The following SNX24 variants were observed in gnomAD, a reference collection of about 807,000 sequenced individuals.
SNX24 encodes sorting nexin-24.
Under a neutral mutation model 28.7 loss-of-function variants are expected in SNX24, and 22 were observed. The observed-to-expected ratio is 0.77, with a 90% confidence interval of 0.55 to 1.10. The LOEUF (loss-of-function observed/expected upper bound fraction) is 1.10. Among genes scored for constraint, SNX24 ranks in the 50% least tolerant of loss-of-function variants. The pLI is 0.00. For missense variants in SNX24, 221 were observed against 201.1 expected (o/e 1.10, Z -0.60); for synonymous variants, 69 against 71.5 (o/e 0.96, Z 0.18).
At chr5:122,948,149 G>A (rs1759772389) in intron 3 of SNX24, among the ~76,000 whole-genome samples, 1 of 152,158 alleles carries the variant, frequency 6.6e-6, no homozygotes, top group Non-Finnish European at 1.5e-5. Flanking sequence ...CTATTTGCAG[G>A]CAATGGGAGG....
chr5:122,884,413 AT>A (rs1756618259), intron 1 of SNX24, among the ~76,000 whole-genome samples: 2 of 151,622 alleles, frequency 1.3e-5, no homozygotes, highest in South Asian at 2.1e-4. Context: ...CCTCTGGCTA[AT>A]TTTTGTATTT....
At chr5:122,876,792 A>T (rs1756243545) in intron 1 of SNX24, among the ~76,000 whole-genome samples, 1 of 152,198 alleles carries the variant, frequency 6.6e-6, no homozygotes, top group Non-Finnish European at 1.5e-5. Context: ...CCTGCAAGAG[A>T]TGGTGCTTAA....
At chr5:122,907,722 A>G (rs1757701525) in intron 1 of SNX24, among the ~76,000 whole-genome samples, 1 of 152,184 alleles carries the variant, frequency 6.6e-6, no homozygotes, top group South Asian at 2.1e-4. Flanking sequence ...TCTTAGAAAC[A>G]CCTAAATTCT....
intron 3 of SNX24, among the ~76,000 whole-genome samples, chr5:122,994,853 A>C (rs984796161): frequency 3.9e-5 from 6 of 152,192 alleles, no homozygotes; most frequent in Admixed American, 2.6e-4. Context: ...GTAAAGAAAA[A>C]TAATTTTTTT....
At chr5:122,886,251 A>C (rs1247132590) in intron 1 of SNX24, among the ~76,000 whole-genome samples, 1 of 152,234 alleles carries the variant, frequency 6.6e-6, no homozygotes, top group African/African-American at 2.4e-5. Context: ...ATTGCTTTGC[A>C]AATACCTATG....
intron 1 of SNX24, among the ~76,000 whole-genome samples, chr5:122,924,239 C>T (rs1758571971): frequency 6.6e-6 from 1 of 152,168 alleles, no homozygotes. Context: ...ACAAGAATAA[C>T]TATTACAATA....
At chr5:122,924,471 GC>G (rs1161123359) in intron 1 of SNX24, among the ~76,000 whole-genome samples, 1 of 152,186 alleles carries the variant, frequency 6.6e-6, no homozygotes, top group Non-Finnish European at 1.5e-5. Context: ...CTGGGACCGG[GC>G]AAGACACCGT....
downstream of SNX24, among the ~76,000 whole-genome samples, chr5:123,013,697 TTC>T (rs757641958): frequency 6.6e-6 from 1 of 152,214 alleles, no homozygotes; most frequent in Non-Finnish European, 1.5e-5. Flanking sequence ...GTGAACCATT[TTC>T]TGTTTTCATT....
chr5:122,999,084 T>C (rs1199045833), intron 3 of SNX24, among the ~76,000 whole-genome samples: 4 of 152,150 alleles, frequency 2.6e-5, no homozygotes, highest in Admixed American at 6.5e-5. Flanking sequence ...GGCAAACTTA[T>C]ATTCAGTTCA....
chr5:122,897,815 A>G (rs1757268406), intron 1 of SNX24, among the ~76,000 whole-genome samples: 1 of 152,184 alleles, frequency 6.6e-6, no homozygotes, highest in South Asian at 2.1e-4. Flanking sequence ...GTTTACAGTA[A>G]TATTAGTGGA....
At chr5:123,025,635 C>T in intron 5 of SNX24, 1 of 772,926 alleles carries the variant, frequency 1.3e-6, no homozygotes, top group Non-Finnish European at 2.0e-6. Context: ...ATTAAAATGC[C>T]ATACCATATA....
intron 1 of SNX24, among the ~76,000 whole-genome samples, chr5:122,871,520 C>G (rs1219858001): frequency 3.3e-5 from 5 of 152,164 alleles, no homozygotes; most frequent in Non-Finnish European, 7.3e-5. Flanking sequence ...GTAATCCCAA[C>G]ACTTTGGGAG....
intron 3 of SNX24, among the ~76,000 whole-genome samples, chr5:122,995,792 T>G (rs556859884): frequency 1.3e-5 from 2 of 152,296 alleles, no homozygotes; most frequent in South Asian, 4.1e-4. Context: ...CATCCAGGAA[T>G]GGGATGAGCA....
At chr5:122,962,843 G>A (rs2150139903) in intron 3 of SNX24, among the ~76,000 whole-genome samples, 1 of 152,300 alleles carries the variant, frequency 6.6e-6, no homozygotes, top group East Asian at 1.9e-4. Context: ...CACCTGGTTT[G>A]ACAGTGCATA....
chr5:123,019,316 G>C (rs1297790585), intron 5 of SNX24, among the ~76,000 whole-genome samples: 1 of 149,728 alleles, frequency 6.7e-6, no homozygotes, highest in Non-Finnish European at 1.5e-5. Context: ...AGTGCCTTGA[G>C]GGGCTTTGAA....
intron 1 of SNX24, among the ~76,000 whole-genome samples, chr5:122,933,241 T>C (rs1054927516): frequency 6.6e-6 from 1 of 152,214 alleles, no homozygotes. Context: ...TCGTGAATTA[T>C]GAAGTTTTCT....
chr5:122,930,716 A>G (rs948765441), intron 1 of SNX24, among the ~76,000 whole-genome samples: 8 of 152,100 alleles, frequency 5.3e-5, no homozygotes, highest in African/African-American at 1.9e-4. Context: ...TTGGATATTT[A>G]TTCTCTTTCA....
chr5:122,858,056 C>G (rs1430166535), intron 1 of SNX24, among the ~76,000 whole-genome samples: 6 of 152,224 alleles, frequency 3.9e-5, no homozygotes, highest in African/African-American at 1.4e-4. Flanking sequence ...GCTGGGATTA[C>G]AGGACCTTTT....
At chr5:122,974,070 G>A (rs555189705) in intron 3 of SNX24, among the ~76,000 whole-genome samples, 51 of 152,232 alleles carry the variant, frequency 3.4e-4, no homozygotes, top group African/African-American at 1.2e-3. Flanking sequence ...GTAATGTGTT[G>A]CCTCCAAAAT....
Sources: gnomAD v4.1 joint callset for allele counts (sites outside exome capture counted in the v4.1 genomes callset) on GRCh38, gnomAD v4.1.1 for gene constraint, MANE v1.5 for transcripts, NCBI Gene and HGNC (gene_info 2026-07-23, HGNC 2026-07-21) for gene names.